FRMD7: variants seen among roughly 807,000 people sequenced by gnomAD.
FRMD7 encodes FERM domain-containing protein 7.
FRMD7 carries 14 observed loss-of-function variants against 44.1 expected under a neutral mutation model. The ratio of observed to expected loss-of-function variants is 0.32; its 90% CI spans 0.21 to 0.50. The LOEUF is 0.50. FRMD7 is among the 20% of genes least tolerant of loss of function. The pLI, the probability that FRMD7 is intolerant of heterozygous loss-of-function variation, is 0.99. For synonymous variants in FRMD7, 212 were observed against 187.4 expected (o/e 1.13, Z -1.07); for missense variants, 501 against 522.3 (o/e 0.96, Z 0.40).
At chrX:132,103,187 A>G (rs1294193263) in intron 1 of FRMD7, among the ~76,000 whole-genome samples, 1 of 112,037 alleles carries the variant, frequency 8.9e-6, no homozygotes, top group East Asian at 2.8e-4. Flanking sequence ...TTCTGTCTCA[A>G]CATGCAGCCT....
At chrX:132,084,797 G>A (rs887538882) in intron 7 of FRMD7, among the ~76,000 whole-genome samples, 1 of 111,555 alleles carries the variant, frequency 9.0e-6, no homozygotes, top group African/African-American at 3.3e-5. Flanking sequence ...GCAAGAAGGG[G>A]TATGCCTAGG....
intron 5 of FRMD7, among the ~76,000 whole-genome samples, chrX:132,086,828 T>C (rs1928007602): frequency 8.9e-6 from 1 of 111,869 alleles, no homozygotes; most frequent in Non-Finnish European, 1.9e-5. Context: ...TCATATATTA[T>C]CAAGAAAGAG....
At chrX:132,102,380 AG>A (rs1400595507) in intron 1 of FRMD7, among the ~76,000 whole-genome samples, 2 of 111,834 alleles carry the variant, frequency 1.8e-5, no homozygotes, top group Non-Finnish European at 3.8e-5. Flanking sequence ...ACCAAGGGAA[AG>A]GGGGTTTGAT....
At chrX:132,113,313 C>G (rs764402204) in intron 1 of FRMD7, among the ~76,000 whole-genome samples, 21 of 111,556 alleles carry the variant, frequency 1.9e-4, no homozygotes, top group Non-Finnish European at 3.6e-4. Flanking sequence ...CTGTATATAC[C>G]TAGCAATATG....
chrX:132,113,438 G>A (rs367689391), intron 1 of FRMD7, among the ~76,000 whole-genome samples: 1 of 111,309 alleles, frequency 9.0e-6, no homozygotes, highest in Admixed American at 9.5e-5. Flanking sequence ...TCTTTCAGCA[G>A]GTTAATGGCA....
chrX:132,077,579 C>T lies in FRMD7; in HGVS notation c.*293G>A, dbSNP rs1057515769. 1 of 318,792 alleles carries T rather than the reference C, an allele frequency of 3.1e-6. No homozygotes were observed. The highest frequency in any genetic ancestry group is 2.6e-5 in the African/African-American group (1 of 38,385). 26.3% of individuals were successfully genotyped at this position (318,792 alleles called of 1,213,427 possible). A position where few individuals can be genotyped will look rare whatever the true frequency, so the allele number is the denominator to read the frequency against. On this transcript the variant is annotated 3_prime_UTR_variant, in exon 12 of 12. Transcript: ENST00000298542. ...TCAGCATTGAAGAGCCTGACCTTCA[C>T]TCACAATGTCTCTATGAGGAAGTAT...
intron 4 of FRMD7, among the ~76,000 whole-genome samples, chrX:132,096,550 TAA>T (rs767769507): frequency 4.8e-5 from 4 of 84,148 alleles, no homozygotes; most frequent in Admixed American, 1.3e-4. Flanking sequence ...GCCCCATCTC[TAA>T]AAAAAAAAAA....
intron 1 of FRMD7, among the ~76,000 whole-genome samples, chrX:132,103,221 C>A (rs966478919): frequency 8.9e-6 from 1 of 111,917 alleles, no homozygotes; most frequent in African/African-American, 3.2e-5. Context: ...CCATTATGAT[C>A]GAATTTCTCA....
At chrX:132,105,904 A>G (rs1296621960) in intron 1 of FRMD7, among the ~76,000 whole-genome samples, 6 of 108,269 alleles carry the variant, frequency 5.5e-5, no homozygotes, top group African/African-American at 2.1e-4. Flanking sequence ...AACTATAAAA[A>G]CCCTGGAAGA....
At chrX:132,117,066 C>T (rs1271316706) in intron 1 of FRMD7, among the ~76,000 whole-genome samples, 1 of 112,051 alleles carries the variant, frequency 8.9e-6, no homozygotes, top group African/African-American at 3.2e-5. Context: ...GTAGCACCTA[C>T]TTCATTGAGG....
chrX:132,081,364 C>CA (rs71827852), intron 9 of FRMD7, among the ~76,000 whole-genome samples: 23,257 of 108,579 alleles, frequency 0.21, 2,070 homozygotes, highest in African/African-American at 0.31. Context: ...ACAACAACAA[C>CA]AAAAAAAAAC....
intron 1 of FRMD7, 145 bp from the exon 2 acceptor site, chrX:132,100,861 G>A: frequency 2.0e-6 from 1 of 491,498 alleles, no homozygotes; most frequent in East Asian, 3.7e-5. Context: ...TTTCAAAGAT[G>A]TTGACCTTTA....
Position 132,077,995 on chromosome X carries a change from C to A in FRMD7, c.2022G>T (p.Met674Ile). 8.3e-7 allele frequency: 1 copy of A among 1,210,428 alleles called. No individual in the cohort carries two copies. The highest frequency in any genetic ancestry group is 3.0e-5 in the East Asian group (1 of 33,795). ...TACCAGAAGACAGGCGGATTCTGGCCATGGGTGACCTTATTTCTTTGCCAT... is the reference window on the plus strand; with the variant it reads ...TACCAGAAGACAGGCGGATTCTGGCAATGGGTGACCTTATTTCTTTGCCAT... ...ALYGKEIRSP[M>I]ARIRLSSGSL... The change falls in exon 12 of 12, where the codon ATG becomes ATT. Residue 674 changes from methionine (M) to isoleucine (I), a missense_variant. This residue lies in a region of FRMD7 where 453 missense variants were observed against 452.7 expected (regional missense o/e 1.00). Coordinates refer to ENST00000298542, the MANE Select transcript of FRMD7 (RefSeq NM_194277.3).
chrX:132,089,967 T>A (rs945451979), intron 5 of FRMD7, among the ~76,000 whole-genome samples: 2 of 112,496 alleles, frequency 1.8e-5, no homozygotes, highest in African/African-American at 6.5e-5. Flanking sequence ...CCTTGGAATG[T>A]ACCCAAAAGA....
Position 132,127,819 on chromosome X carries a change from A to C in FRMD7, c.26T>G (p.Leu9Trp). Residue 9 changes from leucine to tryptophan, a missense_variant, in exon 1 of 12, where the codon TTG (leucine) becomes TGG (tryptophan). Around this residue, in one of 3 missense-constraint regions of FRMD7, gnomAD observed 24 missense variants for 21.6 expected, o/e 1.11. Transcript: ENST00000298542. MLHLKVQF[L>W]DDSQKIFVVD... ...CACAAAAATCTTCTGGGAATCATCC[A>C]AAAACTGCACTTTTAAATGTAGCAT... 3.3e-6 allele frequency: 4 copies of C among 1,208,933 alleles called. No individual in the cohort carries two copies. The highest frequency in any genetic ancestry group is 1.7e-5 in the African/African-American group (1 of 57,770).
chrX:132,122,789 A>T (rs1328901373), intron 1 of FRMD7, among the ~76,000 whole-genome samples: 2 of 112,364 alleles, frequency 1.8e-5, no homozygotes. Flanking sequence ...TATTAAATAT[A>T]GTCTGAATGA....
At chrX:132,097,167 C>CACTTAAGTGGCTCACAAAACTTA in intron 4 of FRMD7, 99 bp downstream of exon 4, 2 of 675,533 alleles carry the variant, frequency 3.0e-6, no homozygotes, top group Non-Finnish European at 4.9e-6. Flanking sequence ...GACTTAAAGC[C>CACTTAAGTGGCTCACAAAACTTA]AAGTTTTGTG....
At chrX:132,084,467 G>T in intron 8 of FRMD7, 23 bp downstream of exon 8, 1 of 961,844 alleles carries the variant, frequency 1.0e-6, no homozygotes, top group Non-Finnish European at 1.5e-6. Flanking sequence ...GAAAGTAAAC[G>T]AATTTATTAG....
intron 1 of FRMD7, among the ~76,000 whole-genome samples, chrX:132,110,228 T>C (rs1381529057): frequency 5.4e-5 from 6 of 111,436 alleles, no homozygotes; most frequent in Admixed American, 9.5e-5. Flanking sequence ...GGCTACACTT[T>C]GAGGAATGAT....
Sources: allele counts gnomAD v4.1 joint callset (sites outside exome capture counted in the v4.1 genomes callset), GRCh38; gene constraint gnomAD v4.1.1; regional missense constraint gnomAD v4.1.1; transcripts MANE v1.5; gene names NCBI Gene and HGNC (gene_info 2026-07-23, HGNC 2026-07-21).